Variants in ABLIM1 observed in about 807,000 individuals in gnomAD.
ABLIM1 encodes the protein actin binding LIM protein 1, also known as actin-binding LIM protein 1.
Under a neutral mutation model 107.0 loss-of-function variants are expected in ABLIM1, and 40 were observed. The ratio of observed to expected loss-of-function variants is 0.37; its 90% CI spans 0.29 to 0.49. ABLIM1 has a LOEUF of 0.49. Ranked by LOEUF, ABLIM1 falls within the 20% of genes least tolerant of loss-of-function variation. The probability of loss-of-function intolerance (pLI) is 0.97; values close to 1 mark genes in which losing one functional copy is unlikely to be tolerated. For synonymous variants in ABLIM1, 357 were observed against 357.3 expected, an observed-to-expected ratio of 1.00 and a Z score of 0.01; for missense variants, 857 against 1,008.5, an observed-to-expected ratio of 0.85 and a Z score of 2.04.
chr10:114,645,019 G>C (rs181220594), intron 1 of ABLIM1, among the ~76,000 whole-genome samples: 2 of 152,290 alleles, frequency 1.3e-5, no homozygotes, highest in Admixed American at 1.3e-4. Context: ...TTATTGAAAA[G>C]TATAAGTGGA....
the ABLIM1 span, among the ~76,000 whole-genome samples, chr10:114,800,505 T>C: frequency 6.6e-6 from 1 of 152,236 alleles, no homozygotes; most frequent in Admixed American, 6.5e-5. Flanking sequence ...TGCTCACTAC[T>C]TTGGAAAATA....
chr10:114,749,933 G>A (rs138383469), intron 1 of ABLIM1, among the ~76,000 whole-genome samples: 45 of 152,106 alleles, frequency 3.0e-4, no homozygotes, highest in African/African-American at 1.1e-3. Flanking sequence ...CCCGATCCCT[G>A]CTTTGTTTTC....
At chr10:114,761,821 C>A (rs1323441980) in intron 1 of ABLIM1, among the ~76,000 whole-genome samples, 3 of 151,966 alleles carry the variant, frequency 2.0e-5, no homozygotes, top group Non-Finnish European at 4.4e-5. Flanking sequence ...CTTGGAAAGG[C>A]CTTCCCTCCA....
At chr10:114,686,904 G>C (rs1411468328), upstream of ABLIM1, among the ~76,000 whole-genome samples, 1 of 152,048 alleles carries the variant, frequency 6.6e-6, no homozygotes, top group Non-Finnish European at 1.5e-5. Flanking sequence ...TGCGATTACA[G>C]GCATGAGCCA....
chr10:114,464,804 GTTTGCTC>G (rs2064792800), intron 12 of ABLIM1, among the ~76,000 whole-genome samples: 1 of 152,144 alleles, frequency 6.6e-6, no homozygotes, highest in African/African-American at 2.4e-5. Flanking sequence ...TAGCATATGG[GTTTGCTC>G]TCATCTATGC....
At chr10:114,774,449 G>A in the ABLIM1 span, among the ~76,000 whole-genome samples, 1 of 152,128 alleles carries the variant, frequency 6.6e-6, no homozygotes, top group Non-Finnish European at 1.5e-5. Context: ...TGGAAGTTGT[G>A]GGATAAGTGC....
At position 114,575,477 on chromosome 10, in the gene ABLIM1, C is replaced by T. The variant is rs756279625; in HGVS notation, c.502G>A (p.Glu168Lys). 4 of 1,614,208 alleles carry T rather than the reference C, an allele frequency of 2.5e-6. No individual in the cohort carries two copies. Among genetic ancestry groups the T allele is most frequent in the African/African-American group, 1.3e-5 (1 of 75,042 alleles). The change falls in exon 3 of 23, where the codon GAA (glutamate) becomes AAA (lysine). Residue 168 changes from glutamate to lysine, a missense_variant. Physicochemically the swap from Glu to Lys is moderately conservative, Grantham distance 56 (BLOSUM62 1). Around this residue, in one of 5 missense-constraint regions of ABLIM1, gnomAD observed 381 missense variants for 506.9 expected, o/e 0.75. Coordinates refer to ENST00000533213, the MANE Select transcript of ABLIM1 (RefSeq NM_002313.7). ...GTCTTGCCCAGAGCAGTCACCACTT[C>T]GCCCTCCACGAACTCCCCACAGCCA... Reference protein sequence around the residue: ...CHGCGEFVEGEVVTALGKTYH... With the variant: ...CHGCGEFVEGKVVTALGKTYH...
rs190040628 is a variant in ABLIM1, at chr10:114,715,665, C to T, written c.-213+52396G>A. 2.8e-4 allele frequency among the ~76,000 whole-genome samples: 42 copies of T among 152,210 alleles called. No homozygotes were observed. In the East Asian group the frequency reaches 4.1e-3, roughly 15 times the overall value. ...GCAAGCAGTTCAAAGAGGTCAACAA[C>T]GTTCTTCCTGACCTCAGCCCTCACC... is the stretch of plus-strand genomic sequence containing the variant. On this transcript the variant is annotated intron_variant, in intron 1 of 15. Coordinates refer to the ABLIM1 transcript ENST00000651092.
intron 4 of ABLIM1, among the ~76,000 whole-genome samples, chr10:114,548,742 AT>A (rs1185464723): frequency 6.6e-6 from 1 of 152,236 alleles, no homozygotes; most frequent in East Asian, 1.9e-4. Flanking sequence ...AACTACAGAC[AT>A]TCCACATCAA....
the ABLIM1 span, among the ~76,000 whole-genome samples, chr10:114,798,012 C>T: frequency 3.9e-5 from 6 of 152,116 alleles, no homozygotes; most frequent in Admixed American, 6.5e-5. Context: ...TACTTATTTG[C>T]TATTTTACTA....
chr10:114,762,519 A>G (rs1392303469), intron 1 of ABLIM1, among the ~76,000 whole-genome samples: 1 of 152,222 alleles, frequency 6.6e-6, no homozygotes, highest in Admixed American at 6.5e-5. Flanking sequence ...AGTAGGGATT[A>G]AGTGGACATT....
Position 114,497,113 on chromosome 10 carries a change from A to G in ABLIM1, c.895-5235T>C, listed in dbSNP as rs377195187. ...TTTCAGATCATGAGCAAAATGAAAG[A>G]CTAAATAGCGCTCATATAAGAAACA... On this transcript the variant is annotated intron_variant, in intron 6 of 22. Coordinates refer to ENST00000533213, the MANE Select transcript of ABLIM1 (RefSeq NM_002313.7). 7.9e-5 allele frequency among the ~76,000 whole-genome samples: 12 copies of G among 152,384 alleles called. No individual in the cohort carries two copies. The East Asian group carries it at 2.3e-3, about 29-fold the overall frequency.
intron 1 of ABLIM1, among the ~76,000 whole-genome samples, chr10:114,722,493 A>G (rs2081870148): frequency 6.6e-6 from 1 of 152,222 alleles, no homozygotes; most frequent in African/African-American, 2.4e-5. Flanking sequence ...ACTATATCAC[A>G]TGTCTAGTCA....
In ABLIM1 at chr10:114,485,325, C is replaced by G. The variant is rs367988750; in HGVS notation, c.1041+2633G>C. 5.6e-6 allele frequency: 9 copies of G among 1,612,876 alleles called. No individual in the cohort carries two copies. In the East Asian group the frequency reaches 2.0e-4, roughly 36 times the overall value. ...CAGAGACGGAGACCGTCCTGTGCGT[C>G]GAATCAGACTTTTGGAATAAAAGAA... is the stretch of plus-strand genomic sequence containing the variant. On this transcript the variant is annotated intron_variant, in intron 8 of 22. Transcript: ENST00000533213.
upstream of ABLIM1, among the ~76,000 whole-genome samples, chr10:114,770,493 T>G (rs2142828895): frequency 6.6e-6 from 1 of 152,234 alleles, no homozygotes; most frequent in Non-Finnish European, 1.5e-5. Flanking sequence ...CCTTTACTCA[T>G]TCTCATTTTT....
the ABLIM1 span, among the ~76,000 whole-genome samples, chr10:114,775,728 T>C: frequency 6.6e-6 from 1 of 152,228 alleles, no homozygotes; most frequent in Admixed American, 6.5e-5. Flanking sequence ...AAGCAGGATA[T>C]ATCATTTGTG....
chr10:114,691,037 A>G (rs1434989696), intron 1 of ABLIM1, among the ~76,000 whole-genome samples: 1 of 152,222 alleles, frequency 6.6e-6, no homozygotes, highest in Non-Finnish European at 1.5e-5. Context: ...TCTGACATGC[A>G]TCTTTCAATT....
intron 10 of ABLIM1, among the ~76,000 whole-genome samples, chr10:114,471,506 T>TG (rs1039663525): frequency 4.9e-4 from 75 of 152,286 alleles, no homozygotes; most frequent in African/African-American, 1.8e-3. Flanking sequence ...CCAATGCACC[T>TG]GCGCTTGAGA....
chr10:114,589,292 G>A (rs1247250487), intron 2 of ABLIM1, among the ~76,000 whole-genome samples: 2 of 150,834 alleles, frequency 1.3e-5, no homozygotes, highest in East Asian at 1.9e-4. Flanking sequence ...AACTGTGGGA[G>A]GCTGAGGCAG....
Sources: gnomAD v4.1 joint callset for allele counts (sites outside exome capture counted in the v4.1 genomes callset) on GRCh38, gnomAD v4.1.1 for gene constraint, gnomAD v4.1.1 regional missense constraint, MANE v1.5 for transcripts, NCBI Gene and HGNC (gene_info 2026-07-23, HGNC 2026-07-21) for gene names.